DOCK1: variants seen among roughly 807,000 people sequenced by gnomAD.
The protein encoded by DOCK1 is dedicator of cytokinesis protein 1.
DOCK1 carries 138 observed loss-of-function variants against 262.7 expected under a neutral mutation model. The observed-to-expected ratio is 0.53, with a 90% CI of 0.46 to 0.61. The LOEUF (loss-of-function observed/expected upper bound fraction) is 0.61. Among genes scored for constraint, DOCK1 ranks in the 20% least tolerant of loss-of-function variants. The pLI is 0.00. For missense variants in DOCK1, 1,908 were observed against 2,370.7 expected, an observed-to-expected ratio of 0.80 and a Z score of 4.05; for synonymous variants, 866 against 867.4, an observed-to-expected ratio of 1.00 and a Z score of 0.03.
chr10:127,158,673 A>C (rs1323224667), intron 27 of DOCK1, among the ~76,000 whole-genome samples: 1 of 152,240 alleles, frequency 6.6e-6, no homozygotes, highest in African/African-American at 2.4e-5. Context: ...AAACCCTGAC[A>C]GGTATAAATT....
At chr10:127,171,995 G>A (rs1324439738) in intron 27 of DOCK1, among the ~76,000 whole-genome samples, 4 of 152,180 alleles carry the variant, frequency 2.6e-5, no homozygotes, top group Non-Finnish European at 5.9e-5. Flanking sequence ...ATGATCCACC[G>A]TGCCCGGCCT....
At position 127,409,026 on chromosome 10, in the gene DOCK1, A is replaced by C; in HGVS notation, c.4123-11A>C. 1 of 1,574,764 alleles carries C rather than the reference A, an allele frequency of 6.4e-7. No individual in the cohort carries two copies. Among genetic ancestry groups the C allele is most frequent in the Middle Eastern group, 1.7e-4 (1 of 6,020 alleles). Reference sequence around the variant, plus strand: ...TCTGTGGTGTTATGAAATGAATGTCACCCTTTTCAGGGAAAAGTTTTCATT... The same window carrying C: ...TCTGTGGTGTTATGAAATGAATGTCCCCCTTTTCAGGGAAAAGTTTTCATT... On this transcript the variant is annotated splice_polypyrimidine_tract_variant and intron_variant, in intron 40 of 51. Coordinates refer to ENST00000623213, the MANE Select transcript of DOCK1 (RefSeq NM_001290223.2).
intron 29 of DOCK1, among the ~76,000 whole-genome samples, chr10:127,336,543 T>G (rs11597545): frequency 0.032 from 4,878 of 151,928 alleles, 109 homozygotes; most frequent in Middle Eastern, 0.048. Flanking sequence ...TAGTTTTTTT[T>G]TTTTTTTTTT....
intron 21 of DOCK1, among the ~76,000 whole-genome samples, chr10:127,044,420 A>G (rs1249594946): frequency 2.0e-5 from 3 of 152,152 alleles, no homozygotes; most frequent in Non-Finnish European, 4.4e-5. Context: ...TTGCTTGCTA[A>G]TAAACGTTTG....
chr10:127,235,953 T>C (rs1290522164), intron 27 of DOCK1, among the ~76,000 whole-genome samples: 1 of 152,130 alleles, frequency 6.6e-6, no homozygotes, highest in Non-Finnish European at 1.5e-5. Flanking sequence ...TTTTTGCCAA[T>C]TTTTGGTGGG....
chr10:127,329,442 TGTG>T (rs545290952), intron 29 of DOCK1, among the ~76,000 whole-genome samples: 118 of 141,428 alleles, frequency 8.3e-4, no homozygotes, highest in African/African-American at 2.7e-3. Flanking sequence ...TCTGGGGTGC[TGTG>T]GTGGGGATCC....
chr10:126,988,047 T>C (rs903554047), intron 5 of DOCK1: 16 of 117,566 alleles, frequency 1.4e-4, no homozygotes, highest in African/African-American at 5.1e-4. Flanking sequence ...AGGTAATACC[T>C]CTTATCATTT....
chr10:127,328,634 G>C (rs1052373805), intron 29 of DOCK1, among the ~76,000 whole-genome samples: 2 of 152,134 alleles, frequency 1.3e-5, no homozygotes, highest in African/African-American at 2.4e-5. Flanking sequence ...CGGCAGGGAC[G>C]AGAGGGATGG....
At position 127,012,663 on chromosome 10, in the gene DOCK1, C is replaced by G. The variant is rs999067570; in HGVS notation, c.1201+289C>G. 6.6e-6 allele frequency among the ~76,000 whole-genome samples: 1 copy of G among 152,170 alleles called. No homozygotes were observed. Among genetic ancestry groups the G allele is most frequent in the Non-Finnish European group, 1.5e-5 (1 of 68,036 alleles). ...GGCGGTAGGCGTAACTCCCTCTGCC[C>G]GTGTTGTGTGCTAATCTTTGCCTGT... is the stretch of plus-strand genomic sequence containing the variant. On this transcript the variant is annotated intron_variant, in intron 12 of 51. Transcript: ENST00000623213. This position sits in a 1 kb window ranked among gnomAD's most constrained non-coding sequence, Gnocchi z 4.0.
chr10:127,225,646 C>G (rs1193398035), intron 27 of DOCK1, among the ~76,000 whole-genome samples: 1 of 152,206 alleles, frequency 6.6e-6, no homozygotes, highest in Non-Finnish European at 1.5e-5. Flanking sequence ...AGAAGCTAGT[C>G]TTTTGAGTTT....
At chr10:127,348,097 A>G (rs2063727858) in intron 31 of DOCK1, among the ~76,000 whole-genome samples, 2 of 151,786 alleles carry the variant, frequency 1.3e-5, no homozygotes, top group South Asian at 4.2e-4. Context: ...CATACCACGC[A>G]GAGAACTGAT....
At chr10:127,158,330 G>A (rs548260169) in intron 27 of DOCK1, among the ~76,000 whole-genome samples, 6 of 152,302 alleles carry the variant, frequency 3.9e-5, no homozygotes, top group Non-Finnish European at 7.4e-5. Flanking sequence ...GTGACAGTAG[G>A]GCTGGAGATC....
chr10:126,987,314 T>C (rs2039474141), intron 4 of DOCK1, among the ~76,000 whole-genome samples: 1 of 152,208 alleles, frequency 6.6e-6, no homozygotes, highest in South Asian at 2.1e-4. Flanking sequence ...CAGGGTAATG[T>C]ATGAACCTTC....
chr10:127,425,726 G>C (rs535773583), intron 46 of DOCK1, 148 bp from the exon 47 acceptor site: 2 of 1,225,280 alleles, frequency 1.6e-6, no homozygotes, highest in African/African-American at 3.0e-5. Flanking sequence ...GTCTTTGGTG[G>C]TAATATGCCT....
chr10:127,322,362 G>A (rs11017294), intron 29 of DOCK1, among the ~76,000 whole-genome samples: 27,380 of 149,458 alleles, frequency 0.18, 2,698 homozygotes, highest in African/African-American at 0.28. Context: ...GATAATTTTT[G>A]TATTTTTAGT....
At chr10:127,001,942 C>T (rs767034540) in intron 10 of DOCK1, among the ~76,000 whole-genome samples, 9 of 152,152 alleles carry the variant, frequency 5.9e-5, no homozygotes, top group Non-Finnish European at 5.9e-5. Flanking sequence ...ACTGCTGCCC[C>T]GACCTCCTGG....
chr10:127,185,159 A>G (rs2056111445), intron 27 of DOCK1, among the ~76,000 whole-genome samples: 2 of 152,162 alleles, frequency 1.3e-5, no homozygotes, highest in Admixed American at 6.5e-5. Flanking sequence ...TAACACAAAT[A>G]TAAGTGTTCT....
chr10:127,189,025 G>T (rs2056526749), intron 27 of DOCK1, among the ~76,000 whole-genome samples: 1 of 152,132 alleles, frequency 6.6e-6, no homozygotes, highest in Admixed American at 6.5e-5. Flanking sequence ...CGGCTCCTAG[G>T]AAGCGCTCAG....
intron 35 of DOCK1, among the ~76,000 whole-genome samples, 165 bp from the exon 36 acceptor site, chr10:127,379,917 T>C (rs1590793808): frequency 6.6e-6 from 1 of 152,066 alleles, no homozygotes; most frequent in Non-Finnish European, 1.5e-5. Flanking sequence ...TGAAGAACTG[T>C]GTAAGATGGT....
Sources: gnomAD v4.1 joint callset for allele counts (sites outside exome capture counted in the v4.1 genomes callset) on GRCh38, gnomAD v4.1.1 for gene constraint, Gnocchi (gnomAD v3.1) non-coding constraint, MANE v1.5 for transcripts, NCBI Gene and HGNC (gene_info 2026-07-23, HGNC 2026-07-21) for gene names.